The following PPP6R3 variants were observed in gnomAD, a reference collection of about 807,000 sequenced individuals.
PPP6R3 encodes serine/threonine-protein phosphatase 6 regulatory subunit 3.
A neutral mutation model predicts 110.7 loss-of-function variants in PPP6R3; 38 were observed. The ratio of observed to expected loss-of-function variants is 0.34; its 90% confidence interval spans 0.26 to 0.45. PPP6R3 has a LOEUF of 0.45. PPP6R3 is among the 20% of genes least tolerant of loss of function. PPP6R3 has a pLI of 1.00. For missense variants in PPP6R3, 870 were observed against 1,062.4 expected (o/e 0.82, Z 2.52); for synonymous variants, 369 against 373.5 (o/e 0.99, Z 0.14).
intron 8 of PPP6R3, among the ~76,000 whole-genome samples, chr11:68,560,620 C>T (rs975269268): frequency 2.0e-5 from 3 of 152,150 alleles, no homozygotes; most frequent in Non-Finnish European, 4.4e-5. Context: ...GTGAAGTCTA[C>T]CAAAGATGGA....
intron 20 of PPP6R3, 120 bp from the exon 21 acceptor site, chr11:68,601,743 C>G (rs934644030): frequency 7.9e-6 from 6 of 757,532 alleles, no homozygotes; most frequent in Non-Finnish European, 1.1e-5. Flanking sequence ...AACCCAGTGA[C>G]TCTTACACAG....
At chr11:68,585,105 G>A (rs560793857) in intron 15 of PPP6R3, among the ~76,000 whole-genome samples, 2 of 152,292 alleles carry the variant, frequency 1.3e-5, no homozygotes, top group Admixed American at 1.3e-4. Context: ...AGGTAACCCA[G>A]CCACGTCACC....
intron 19 of PPP6R3, among the ~76,000 whole-genome samples, chr11:68,598,370 G>T (rs2099620467): frequency 6.6e-6 from 1 of 152,220 alleles, no homozygotes; most frequent in Admixed American, 6.5e-5. Context: ...GCGTGCCGCT[G>T]CTGCTGTGAC....
At position 68,601,949 on chromosome 11, in the gene PPP6R3, C is replaced by A. The variant is rs1217814260; in HGVS notation, c.2279C>A (p.Ala760Asp). ...GACCCTCTGACTCCCAGTGCGGCTG[C>A]CCTGGCAGTGCAGCCAGAAGGTGCG... ...PMDPLTPSAA[A>D]LAVQPEAAGS... Residue 760 changes from alanine (A) to aspartate (D), a missense_variant, in exon 21 of 24, where the codon GCC (alanine) becomes GAC (aspartate). Transcript: ENST00000393800. 1 of 1,612,910 alleles carries A rather than the reference C, an allele frequency of 6.2e-7. No homozygotes were observed. The highest frequency in any genetic ancestry group is 1.7e-5 in the Admixed American group (1 of 59,824).
At chr11:68,555,916 T>C (rs1239290204) in intron 7 of PPP6R3, among the ~76,000 whole-genome samples, 1 of 152,222 alleles carries the variant, frequency 6.6e-6, no homozygotes, top group Non-Finnish European at 1.5e-5. Context: ...CAACCACTTC[T>C]AATATTTGAC....
chr11:68,562,491 G>C (rs1019105261), intron 8 of PPP6R3, among the ~76,000 whole-genome samples: 1 of 152,176 alleles, frequency 6.6e-6, no homozygotes, highest in Non-Finnish European at 1.5e-5. Flanking sequence ...TTTTGCAAGA[G>C]AAAAGGACTC....
chr11:68,517,923 G>A (rs1028031844), intron 1 of PPP6R3, among the ~76,000 whole-genome samples: 1 of 149,500 alleles, frequency 6.7e-6, no homozygotes, highest in Non-Finnish European at 1.5e-5. Flanking sequence ...GGGCGAGAGA[G>A]CAAGACCCTG....
chr11:68,520,356 A>T (rs1314932742), intron 2 of PPP6R3, among the ~76,000 whole-genome samples: 1 of 152,086 alleles, frequency 6.6e-6, no homozygotes, highest in Non-Finnish European at 1.5e-5. Flanking sequence ...ATGAGCAGTG[A>T]TTTACCAGGG....
intron 18 of PPP6R3, 124 bp downstream of exon 18, chr11:68,591,830 C>A: frequency 1.5e-5 from 18 of 1,210,628 alleles, no homozygotes; most frequent in Non-Finnish European, 1.9e-5. Context: ...TTTTTTTTGT[C>A]ATGGCCAGAA....
At chr11:68,468,642 C>T (rs989863826) in intron 1 of PPP6R3, among the ~76,000 whole-genome samples, 7 of 152,184 alleles carry the variant, frequency 4.6e-5, no homozygotes, top group Non-Finnish European at 1.0e-4. Context: ...AGCTGCTCTG[C>T]GGAAGTCAGG....
chr11:68,530,106 A>G (rs1713445886), intron 2 of PPP6R3, among the ~76,000 whole-genome samples: 1 of 152,190 alleles, frequency 6.6e-6, no homozygotes, highest in South Asian at 2.1e-4. Flanking sequence ...TTTTAAATTT[A>G]ATGTCATTAG....
intron 7 of PPP6R3, among the ~76,000 whole-genome samples, chr11:68,557,173 A>C (rs1348310678): frequency 6.6e-6 from 1 of 152,252 alleles, no homozygotes; most frequent in Non-Finnish European, 1.5e-5. Flanking sequence ...TTCCAGACCT[A>C]ATAGTTAGTG....
intron 3 of PPP6R3, among the ~76,000 whole-genome samples, chr11:68,540,424 A>G (rs979261449): frequency 1.3e-5 from 2 of 152,222 alleles, no homozygotes; most frequent in Admixed American, 6.5e-5. Flanking sequence ...GGTGACAGAC[A>G]TCAAGTACTT....
chr11:68,479,115 A>G (rs1427117241), intron 1 of PPP6R3, among the ~76,000 whole-genome samples: 2 of 152,234 alleles, frequency 1.3e-5, no homozygotes, highest in African/African-American at 4.8e-5. Flanking sequence ...TAGGCTATCA[A>G]TAAGCAATCA....
At position 68,588,097 on chromosome 11, in the gene PPP6R3, C is replaced by T. The variant is rs551485558; in HGVS notation, c.1730+73C>T. On this transcript the variant is annotated intron_variant, in intron 16 of 23. Coordinates refer to ENST00000393800, the MANE Select transcript of PPP6R3 (RefSeq NM_001164161.2). ...CTTGGTAGATGTATGTGTGATTCTG[C>T]GGGATTCTTAGTCTTGAGCATTCGT... The T allele has an allele frequency of 4.6e-5, 61 of 1,326,494 alleles. No individual in the cohort carries two copies. The East Asian group carries it at 5.5e-4, about 12-fold the overall frequency. The allele number at this position is 1,326,494 out of a possible 1,614,324, so 82.2% of individuals were successfully genotyped here. A position where few individuals can be genotyped will look rare whatever the true frequency, so the allele number is the denominator to read the frequency against.
chr11:68,561,200 A>G (rs2153733116), intron 8 of PPP6R3, among the ~76,000 whole-genome samples: 1 of 152,222 alleles, frequency 6.6e-6, no homozygotes, highest in South Asian at 2.1e-4. Context: ...TATACCTTAT[A>G]CAATGTAAAT....
intron 1 of PPP6R3, among the ~76,000 whole-genome samples, chr11:68,493,616 C>T (rs2098996936): frequency 7.3e-6 from 1 of 137,498 alleles, no homozygotes; most frequent in Admixed American, 7.3e-5. Flanking sequence ...AAAACAAAAC[C>T]ATATATATAT....
intron 1 of PPP6R3, among the ~76,000 whole-genome samples, chr11:68,475,703 C>T (rs866441980): frequency 0.014 from 1,985 of 144,762 alleles, 57 homozygotes; most frequent in African/African-American, 0.048. Context: ...CCCTCCCGGA[C>T]GGGGTGGCTG....
chr11:68,537,611 A>G (rs2099277522), intron 2 of PPP6R3, 48 bp from the exon 3 acceptor site: 2 of 1,251,814 alleles, frequency 1.6e-6, no homozygotes, highest in South Asian at 1.5e-5. Flanking sequence ...ATGGAAAATT[A>G]ATTTGTAAAG....
Sources: allele counts gnomAD v4.1 joint callset (sites outside exome capture counted in the v4.1 genomes callset), GRCh38; gene constraint gnomAD v4.1.1; transcripts MANE v1.5; gene names NCBI Gene and HGNC (gene_info 2026-07-23, HGNC 2026-07-21).